Variants in PPP1R37 observed in about 807,000 individuals in gnomAD.
PPP1R37 encodes protein phosphatase 1 regulatory subunit 37.
A neutral mutation model predicts 61.0 loss-of-function variants in PPP1R37; 21 were observed. The observed-to-expected ratio is 0.34, with a 90% CI of 0.24 to 0.50. PPP1R37 has a LOEUF of 0.50. Ranked by LOEUF, PPP1R37 falls within the 20% of genes least tolerant of loss-of-function variation. PPP1R37 has a pLI of 0.98. For missense variants in PPP1R37, 910 were observed against 952.7 expected (o/e 0.96, Z 0.59); for synonymous variants, 443 against 433.5 (o/e 1.02, Z -0.27).
rs931029850 is a variant in PPP1R37 at position 45,145,104 on chromosome 19, G to T, written c.1140G>T (p.Ala380=). The change falls in exon 10 of 13, where the codon GCG becomes GCT. Residue 380 remains alanine (A), a synonymous_variant. Transcript: ENST00000221462. ...GCGGTGCCCCCCCAGGCGCGGTGGC[G>T]GTGGCGGAGTTCATCGCTGAGAGCC... ...STKLTCEGAV[A]VAEFIAESPR... is the part of the protein sequence containing the mutation. The T allele has an allele frequency of 5.3e-5, 81 of 1,532,912 alleles. No homozygotes were observed. In the African/African-American group the frequency reaches 1.0e-3, roughly 20 times the overall value. 95.0% of individuals were successfully genotyped at this position (1,532,912 alleles called of 1,614,324 possible). A position where few individuals can be genotyped will look rare whatever the true frequency, so the allele number is the denominator to read the frequency against.
chr19:45,102,136 C>T (rs771509282), intron 1 of PPP1R37, among the ~76,000 whole-genome samples: 1 of 152,256 alleles, frequency 6.6e-6, no homozygotes, highest in Admixed American at 6.5e-5. Flanking sequence ...TTCACCTCCA[C>T]AGTCCCTTCA....
In PPP1R37 at chr19:45,142,130, C is replaced by T. The variant is rs887088712; in HGVS notation, c.637C>T (p.Arg213Cys). Reference sequence around the variant, plus strand: ...GGACCACTCGGCGCCCTTCGTGGCCCGTGCCCTGCGCATCCGCAGCAGCCT... The same window carrying T: ...GGACCACTCGGCGCCCTTCGTGGCCTGTGCCCTGCGCATCCGCAGCAGCCT... ...LLDHSAPFVA[R>C]ALRIRSSLAV... The change falls in exon 6 of 13, where the codon CGT becomes TGT. Residue 213 changes from arginine to cysteine, a missense_variant. By Grantham distance (180) the Arg-to-Cys change is radical. Around this residue, in one of 3 missense-constraint regions of PPP1R37, gnomAD observed 280 missense variants for 382.2 expected, o/e 0.73. Transcript: ENST00000221462. 1.8e-5 allele frequency: 27 copies of T among 1,535,100 alleles called. No homozygotes were observed. The highest frequency in any genetic ancestry group is 2.3e-5 in the Non-Finnish European group (26 of 1,146,540).
chr19:45,134,738 TTAG>T (rs1286922665), intron 1 of PPP1R37, among the ~76,000 whole-genome samples: 1 of 152,076 alleles, frequency 6.6e-6, no homozygotes, highest in Non-Finnish European at 1.5e-5. Context: ...TTTTGTATTT[TTAG>T]TAGAAGTGCA....
At chr19:45,139,399 A>G (rs1968580506) in intron 2 of PPP1R37, among the ~76,000 whole-genome samples, 1 of 152,144 alleles carries the variant, frequency 6.6e-6, no homozygotes, top group Non-Finnish European at 1.5e-5. Flanking sequence ...CAAGGTGGCT[A>G]TTGAGGGGTA....
chr19:45,101,646 A>T (rs1224808202), intron 1 of PPP1R37, among the ~76,000 whole-genome samples: 1 of 152,218 alleles, frequency 6.6e-6, no homozygotes, highest in East Asian at 1.9e-4. Flanking sequence ...TGAGTCCAGG[A>T]GGTCGAGGCT....
intron 8 of PPP1R37, chr19:45,144,187 TG>T (rs1343762108): frequency 6.6e-6 from 1 of 152,440 alleles, no homozygotes; most frequent in African/African-American, 2.4e-5. Context: ...CTAATTTTTT[TG>T]TATTTTTTTA....
intron 1 of PPP1R37, among the ~76,000 whole-genome samples, chr19:45,096,078 A>G (rs1208325870): frequency 1.3e-5 from 2 of 152,132 alleles, no homozygotes; most frequent in East Asian, 3.9e-4. Flanking sequence ...GAAGTCACAT[A>G]TGGAAAGGAA....
At chr19:45,123,846 C>T (rs992813543) in intron 1 of PPP1R37, among the ~76,000 whole-genome samples, 10 of 152,212 alleles carry the variant, frequency 6.6e-5, no homozygotes, top group African/African-American at 2.4e-4. Flanking sequence ...CTGCAGGCTT[C>T]CTTGTTCACT....
At chr19:45,106,254 T>TTTTTG (rs1568440683) in intron 1 of PPP1R37, among the ~76,000 whole-genome samples, 11 of 152,060 alleles carry the variant, frequency 7.2e-5, no homozygotes, top group African/African-American at 9.6e-5. Flanking sequence ...TTTTGTTTTT[T>TTTTTG]TTTTGAGATG....
chr19:45,097,936 G>A (rs1968014250), intron 1 of PPP1R37, among the ~76,000 whole-genome samples: 1 of 152,168 alleles, frequency 6.6e-6, no homozygotes, highest in South Asian at 2.1e-4. Context: ...CCTGGCGTGG[G>A]GATGCCAGTG....
chr19:45,124,961 A>G (rs1395257538), intron 1 of PPP1R37, among the ~76,000 whole-genome samples: 1 of 151,618 alleles, frequency 6.6e-6, no homozygotes, highest in Non-Finnish European at 1.5e-5. Flanking sequence ...ACAGATGGGG[A>G]CCCCCCAAAA....
At chr19:45,094,241 C>G (rs936515995) in intron 1 of PPP1R37, among the ~76,000 whole-genome samples, 14 of 152,164 alleles carry the variant, frequency 9.2e-5, no homozygotes, top group Admixed American at 2.6e-4. Flanking sequence ...TCCTTGGCCT[C>G]CCAGAGTGTT....
In PPP1R37 at chr19:45,093,230, C is replaced by T. The variant is rs1018217816; in HGVS notation, c.-96C>T. Reference sequence around the variant, plus strand: ...ACGGAGGCGGCGCCTGAAGCGGCGGCGGAGCCCATGCCCCGGGACGGCGGG... The same window carrying T: ...ACGGAGGCGGCGCCTGAAGCGGCGGTGGAGCCCATGCCCCGGGACGGCGGG... On this transcript the variant is annotated 5_prime_UTR_variant, in exon 1 of 13. Coordinates refer to ENST00000221462, the MANE Select transcript of PPP1R37 (RefSeq NM_019121.2). 4.9e-5 allele frequency: 50 copies of T among 1,012,134 alleles called. No homozygotes were observed. The highest frequency in any genetic ancestry group is 6.0e-5 in the Non-Finnish European group (46 of 763,726). The allele number at this position is 1,012,134 out of a possible 1,614,324, so 62.7% of individuals were successfully genotyped here.
chr19:45,132,269 CAA>C (rs1360856240), intron 1 of PPP1R37, among the ~76,000 whole-genome samples: 3 of 152,114 alleles, frequency 2.0e-5, no homozygotes, highest in East Asian at 1.9e-4. Flanking sequence ...GCTGGAAAAA[CAA>C]GAGGAATGTA....
chr19:45,146,281 G>C (rs1214383726), intron 11 of PPP1R37, 109 bp from the exon 12 acceptor site: 4 of 1,052,622 alleles, frequency 3.8e-6, no homozygotes, highest in Non-Finnish European at 5.5e-6. Flanking sequence ...CCATCTCAGC[G>C]GTCTCTGGGC....
At chr19:45,135,426 C>T (rs865971161) in intron 1 of PPP1R37, among the ~76,000 whole-genome samples, 5 of 152,212 alleles carry the variant, frequency 3.3e-5, no homozygotes, top group African/African-American at 7.2e-5. Context: ...TGCTGCTAAG[C>T]GTTTGCAGTG....
At chr19:45,120,080 C>G (rs1338157583) in intron 1 of PPP1R37, among the ~76,000 whole-genome samples, 1 of 141,592 alleles carries the variant, frequency 7.1e-6, no homozygotes, top group South Asian at 2.2e-4. Flanking sequence ...TGCAGTGGCG[C>G]GATCTCCGCT....
intron 1 of PPP1R37, among the ~76,000 whole-genome samples, chr19:45,120,183 A>G (rs2122729659): frequency 6.6e-6 from 1 of 151,522 alleles, no homozygotes; most frequent in African/African-American, 2.4e-5. Context: ...ACGCCTGACT[A>G]ATGTTTTGTA....
At chr19:45,119,311 T>G (rs1171865020) in intron 1 of PPP1R37, among the ~76,000 whole-genome samples, 1 of 151,890 alleles carries the variant, frequency 6.6e-6, no homozygotes, top group African/African-American at 2.4e-5. Context: ...TGTGTCACCA[T>G]ACCTGGCTAA....
Sources: gnomAD v4.1 joint callset for allele counts (sites outside exome capture counted in the v4.1 genomes callset) on GRCh38, gnomAD v4.1.1 for gene constraint, gnomAD v4.1.1 regional missense constraint, MANE v1.5 for transcripts, NCBI Gene and HGNC (gene_info 2026-07-23, HGNC 2026-07-21) for gene names.